RPL26L1: variants seen among roughly 807,000 people sequenced by gnomAD.
The protein encoded by RPL26L1 is ribosomal protein L26 like 1.
A neutral mutation model predicts 15.2 loss-of-function variants in RPL26L1; 8 were observed. That is an observed-to-expected ratio of 0.53 (90% CI 0.31 to 0.95). The LOEUF is 0.95. Among genes scored for constraint, RPL26L1 ranks in the 40% least tolerant of loss-of-function variants. The pLI is 0.05. For synonymous variants in RPL26L1, 51 were observed against 65.9 expected (o/e 0.77, Z 1.09); for missense variants, 146 against 190.9 (o/e 0.76, Z 1.39).
chr5:172,967,710 A>AT (rs1290513012), intron 2 of RPL26L1, among the ~76,000 whole-genome samples: 1 of 151,706 alleles, frequency 6.6e-6, no homozygotes, highest in Admixed American at 6.6e-5. Context: ...TTATATATAT[A>AT]TTTTATCCCA....
intron 1 of RPL26L1, 97 bp downstream of exon 1, chr5:172,959,565 C>A: frequency 2.5e-6 from 3 of 1,191,010 alleles, no homozygotes; most frequent in Non-Finnish European, 3.2e-6. Context: ...CCACAGCTCT[C>A]TTTGAGTGAC....
chr5:172,968,524 T>A lies in RPL26L1; in HGVS notation c.234T>A (p.Tyr78Ter). Residue 78 changes from tyrosine to a stop codon, truncating the protein, a stop_gained, in exon 3 of 4, where the codon TAT becomes TAA. Coordinates refer to ENST00000265100, the MANE Select transcript of RPL26L1 (RefSeq NM_016093.4). LOFTEE classifies it high-confidence loss of function. ...GKVVQVYRKK[Y>*]VIYIERVQRE... Reference sequence around the variant, plus strand: ...TAGTCCAGGTGTACAGAAAGAAATATGTCATCTACATCGAGCGGGTGCAGC... The same window carrying A: ...TAGTCCAGGTGTACAGAAAGAAATAAGTCATCTACATCGAGCGGGTGCAGC... 2 of 1,614,152 alleles carry A rather than the reference T, an allele frequency of 1.2e-6. No homozygotes were observed. The highest frequency in any genetic ancestry group is 2.2e-5 in the South Asian group (2 of 91,086).
At position 172,960,912 on chromosome 5, in the gene RPL26L1, G is replaced by T. The variant is rs191759717; in HGVS notation, c.168+871G>T. Among the ~76,000 whole-genome samples, 36 of 114,664 alleles carry T rather than the reference G, an allele frequency of 3.1e-4. No individual in the cohort carries two copies. In the Admixed American group the frequency reaches 3.4e-3, roughly 11 times the overall value. The allele number at this position is 114,664 out of a possible 152,430, so 75.2% of individuals were successfully genotyped here. A position where few individuals can be genotyped will look rare whatever the true frequency, so the allele number is the denominator to read the frequency against. On this transcript the variant is annotated intron_variant, in intron 2 of 3. Transcript: ENST00000265100. Reference sequence around the variant, plus strand: ...TGTTGGACTGGATAATTGTTGTGGGGGGTGGGGGGTGGGGGCTGTCCTGTG... The same window carrying T: ...TGTTGGACTGGATAATTGTTGTGGGTGGTGGGGGGTGGGGGCTGTCCTGTG...
At chr5:172,968,365 T>C in intron 2 of RPL26L1, 94 bp from the exon 3 acceptor site, 1 of 1,480,584 alleles carries the variant, frequency 6.8e-7, no homozygotes, top group Non-Finnish European at 9.2e-7. Context: ...TTGACAAAGT[T>C]ATATGTTTAG....
At chr5:172,958,163 C>G (rs1755044657), upstream of RPL26L1, 1 of 345,790 alleles carries the variant, frequency 2.9e-6, no homozygotes, top group Admixed American at 3.7e-5. Context: ...ACTGGGGAGG[C>G]TGAGGCAGGA....
At chr5:172,955,334 G>A, upstream of RPL26L1, 2 of 252,928 alleles carry the variant, frequency 7.9e-6, no homozygotes. Flanking sequence ...TCACCATATT[G>A]GTCAGGCTGG....
chr5:172,968,737 T>C lies in RPL26L1; in HGVS notation c.309+138T>C, dbSNP rs372509808. On this transcript the variant is annotated intron_variant, in intron 3 of 3. Coordinates refer to ENST00000265100, the MANE Select transcript of RPL26L1 (RefSeq NM_016093.4). Reference sequence around the variant, plus strand: ...TGATTGATTCAGTAGCTTTGTGATATCATCAAGGATCCAGATTTTTCTTCT... The same window carrying C: ...TGATTGATTCAGTAGCTTTGTGATACCATCAAGGATCCAGATTTTTCTTCT... 10 of 753,064 alleles carry C rather than the reference T, an allele frequency of 1.3e-5. No homozygotes were observed. In the African/African-American group the frequency reaches 1.8e-4, roughly 13 times the overall value. 46.6% of individuals were successfully genotyped at this position (753,064 alleles called of 1,614,324 possible). A position where few individuals can be genotyped will look rare whatever the true frequency, so the allele number is the denominator to read the frequency against.
intron 2 of RPL26L1, among the ~76,000 whole-genome samples, chr5:172,967,081 C>T (rs994941670): frequency 5.3e-5 from 8 of 151,814 alleles, no homozygotes; most frequent in South Asian, 4.1e-4. Flanking sequence ...GTCTCGATCT[C>T]TTGACCTCAT....
chr5:172,954,295 C>T (rs562621557), upstream of RPL26L1, among the ~76,000 whole-genome samples: 2 of 152,198 alleles, frequency 1.3e-5, no homozygotes, highest in African/African-American at 2.4e-5. Context: ...GGAGGCCGGA[C>T]GCGATGGTTC....
At chr5:172,963,051 G>T (rs1258395233) in intron 2 of RPL26L1, among the ~76,000 whole-genome samples, 1 of 152,008 alleles carries the variant, frequency 6.6e-6, no homozygotes, top group Non-Finnish European at 1.5e-5. Context: ...AGTTAGCCAG[G>T]TGCTTACCAA....
intron 2 of RPL26L1, 102 bp from the exon 3 acceptor site, chr5:172,968,357 G>C (rs1187761880): frequency 6.9e-7 from 1 of 1,445,370 alleles, no homozygotes; most frequent in African/African-American, 1.4e-5. Context: ...AGCTGCTTTT[G>C]ACAAAGTTAT....
chr5:172,969,170 C>A (rs1361640814), intron 3 of RPL26L1, among the ~76,000 whole-genome samples: 1 of 152,064 alleles, frequency 6.6e-6, no homozygotes, highest in South Asian at 2.1e-4. Context: ...CTTCCCCTAC[C>A]ACATAATATT....
chr5:172,962,945 G>C (rs1281450937), intron 2 of RPL26L1, among the ~76,000 whole-genome samples: 2 of 151,924 alleles, frequency 1.3e-5, no homozygotes, highest in African/African-American at 4.8e-5. Flanking sequence ...TCATTGCTAT[G>C]AAGAAAATAT....
At chr5:172,960,155 A>C in intron 2 of RPL26L1, 114 bp downstream of exon 2, 1 of 1,253,458 alleles carries the variant, frequency 8.0e-7, no homozygotes, top group South Asian at 1.2e-5. Context: ...GTGACCCTTC[A>C]GATGTGTTAG....
chr5:172,957,155 A>C, upstream of RPL26L1: 1 of 456,018 alleles, frequency 2.2e-6, no homozygotes, highest in Non-Finnish European at 4.4e-6. Flanking sequence ...AAGACTCACC[A>C]GACACTTCCT....
At chr5:172,958,489 G>A (rs577131853), upstream of RPL26L1, 34 of 455,428 alleles carry the variant, frequency 7.5e-5, no homozygotes, top group East Asian at 2.0e-3. Flanking sequence ...GGGAGAGTTG[G>A]AGTTAATAAC....
rs531397042 is a variant in RPL26L1 at position 172,965,917 on chromosome 5, A to G, written c.169-2542A>G. ...AATTTAGCATGTTCCAAACTAAACT[A>G]TTTCCTCCTAAAATACGGGGCTTCC... On this transcript the variant is annotated intron_variant, in intron 2 of 3. Transcript: ENST00000265100. Among the ~76,000 whole-genome samples the G allele has an allele frequency of 2.6e-5, 4 of 152,148 alleles. No homozygotes were observed. In the South Asian group the frequency reaches 8.3e-4, roughly 32 times the overall value.
chr5:172,961,725 A>C (rs1755239958), intron 2 of RPL26L1, among the ~76,000 whole-genome samples: 1 of 152,228 alleles, frequency 6.6e-6, no homozygotes, highest in African/African-American at 2.4e-5. Flanking sequence ...CTACGTAGGT[A>C]AAGAATAGGT....
At chr5:172,957,155 A>G (rs1450743913), upstream of RPL26L1, 2 of 455,900 alleles carry the variant, frequency 4.4e-6, no homozygotes, top group Non-Finnish European at 8.8e-6. Context: ...AAGACTCACC[A>G]GACACTTCCT....
Sources: gnomAD v4.1 joint callset for allele counts (sites outside exome capture counted in the v4.1 genomes callset) on GRCh38, gnomAD v4.1.1 for gene constraint, MANE v1.5 for transcripts, NCBI Gene and HGNC (gene_info 2026-07-23, HGNC 2026-07-21) for gene names.